Variants in LAMC1 observed in about 807,000 individuals in gnomAD.
The protein encoded by LAMC1 is laminin subunit gamma 1.
Under a neutral mutation model 173.6 loss-of-function variants are expected in LAMC1, and 38 were observed. The observed-to-expected ratio is 0.22, with a 90% CI of 0.17 to 0.29. LAMC1 has a LOEUF of 0.29. Among genes scored for constraint, LAMC1 ranks in the 10% least tolerant of loss-of-function variants. LAMC1 has a pLI of 1.00. For missense variants in LAMC1, 1,824 were observed against 2,051.8 expected (o/e 0.89, Z 2.14); for synonymous variants, 746 against 749.1 (o/e 1.00, Z 0.07).
In LAMC1 at chr1:183,023,730, A is replaced by C; in HGVS notation, c.14A>C (p.His5Pro). 8.4e-7 allele frequency: 1 copy of C among 1,186,782 alleles called. No individual in the cohort carries two copies. Among genetic ancestry groups the C allele is most frequent in the East Asian group, 3.9e-5 (1 of 25,542 alleles). 73.5% of individuals were successfully genotyped at this position (1,186,782 alleles called of 1,614,324 possible). A position where few individuals can be genotyped will look rare whatever the true frequency, so the allele number is the denominator to read the frequency against. MRGS[H>P]RAAPALRPRG... ...GCGGGCGGCGGGATGAGAGGGAGCCATCGGGCCGCGCCGGCCCTGCGGCCC... is the reference window on the plus strand; with the variant it reads ...GCGGGCGGCGGGATGAGAGGGAGCCCTCGGGCCGCGCCGGCCCTGCGGCCC... The change falls in exon 1 of 28, where the codon CAT becomes CCT. Residue 5 changes from histidine to proline, a missense_variant. Coordinates refer to ENST00000258341, the MANE Select transcript of LAMC1 (RefSeq NM_002293.4).
At chr1:183,049,273 A>G (rs1440202848) in intron 1 of LAMC1, among the ~76,000 whole-genome samples, 1 of 152,222 alleles carries the variant, frequency 6.6e-6, no homozygotes, top group East Asian at 1.9e-4. Flanking sequence ...AAATGGAAAG[A>G]CTTTAATACT....
At chr1:183,040,281 C>T (rs1455691028) in intron 1 of LAMC1, among the ~76,000 whole-genome samples, 1 of 152,124 alleles carries the variant, frequency 6.6e-6, no homozygotes, top group Non-Finnish European at 1.5e-5. Flanking sequence ...CCTCAGGTCC[C>T]TTTTATGGTG....
rs1325754711 is a variant in LAMC1 at position 183,125,552 on chromosome 1, T to C, written c.2801+2T>C. ...GCAGAGTGGGCAAGGCTGTGAGAGGTGAGACATAGGTGCCTTTGGTGAAAG... is the reference window on the plus strand; with the variant it reads ...GCAGAGTGGGCAAGGCTGTGAGAGGCGAGACATAGGTGCCTTTGGTGAAAG... On this transcript the variant is annotated splice_donor_variant, in intron 15 of 27. Transcript: ENST00000258341. LOFTEE classifies it high-confidence loss of function. The C allele has an allele frequency of 6.4e-7, 1 of 1,571,774 alleles. No homozygotes were observed.
intron 1 of LAMC1, among the ~76,000 whole-genome samples, chr1:183,055,155 A>G (rs1243111741): frequency 6.6e-6 from 1 of 150,440 alleles, no homozygotes; most frequent in Non-Finnish European, 1.5e-5. Flanking sequence ...CGCCTGGCTA[A>G]TTTTTTGTAT....
rs149354039 is a variant in LAMC1, at chr1:183,103,403, G to A, written c.494G>A (p.Arg165His). ...SRPESFAIYK[R>H]TREDGPWIPY... ...CCGGAGAGCTTTGCCATTTACAAGC[G>A]CACACGGGAAGACGGGCCCTGGATT... The change falls in exon 2 of 28, where the codon CGC (arginine) becomes CAC (histidine). Residue 165 changes from arginine to histidine, a missense_variant. Physicochemically the swap from Arg to His is conservative, Grantham distance 29. Transcript: ENST00000258341. The A allele has an allele frequency of 5.6e-6, 9 of 1,614,096 alleles. No individual in the cohort carries two copies. The highest frequency in any genetic ancestry group is 2.7e-5 in the African/African-American group (2 of 75,012).
In LAMC1 at chr1:183,131,271, G is replaced by T. The variant is rs759314710; in HGVS notation, c.3487-28G>T. 5.1e-6 allele frequency: 8 copies of T among 1,556,460 alleles called. No homozygotes were observed. The Admixed American group carries it at 1.2e-4, about 23-fold the overall frequency. On this transcript the variant is annotated intron_variant, in intron 19 of 27. Coordinates refer to ENST00000258341, the MANE Select transcript of LAMC1 (RefSeq NM_002293.4). ...TTAAATGTAAATAATTCAGTCCTTT[G>T]AGAATAAGTGCTTTATTTCCTGTGC...
chr1:183,115,245 G>T (rs978722995), intron 5 of LAMC1, among the ~76,000 whole-genome samples: 4 of 152,160 alleles, frequency 2.6e-5, no homozygotes, highest in Admixed American at 6.5e-5. Flanking sequence ...GATCTTGTGT[G>T]CAGTGTTTCA....
intron 9 of LAMC1, 22 bp downstream of exon 9, chr1:183,117,464 T>C (rs1656354429): frequency 6.2e-7 from 1 of 1,611,288 alleles, no homozygotes; most frequent in Non-Finnish European, 8.5e-7. Flanking sequence ...TAGAAAGCAG[T>C]CTGACCTGCT....
chr1:183,139,460 C>T (rs1174600661), intron 26 of LAMC1, among the ~76,000 whole-genome samples: 3 of 152,216 alleles, frequency 2.0e-5, no homozygotes, highest in Admixed American at 2.0e-4. Flanking sequence ...AGGGTCCTTT[C>T]TCCCTCCTTT....
At chr1:183,134,467 CTATA>C (rs1338175889) in intron 22 of LAMC1, among the ~76,000 whole-genome samples, 189 bp from the exon 23 acceptor site, 3 of 152,134 alleles carry the variant, frequency 2.0e-5, no homozygotes, top group African/African-American at 4.8e-5. Flanking sequence ...ACTCATCAAA[CTATA>C]TGTGGATTCT....
Position 183,121,824 on chromosome 1 carries a change from G to A in LAMC1, c.2092G>A (p.Gly698Arg). Residue 698 changes from glycine to arginine, a missense_variant, in exon 12 of 28, where the codon GGG becomes AGG. Gly to Arg is a moderately radical substitution (Grantham distance 125). Coordinates refer to ENST00000258341, the MANE Select transcript of LAMC1 (RefSeq NM_002293.4). Reference protein sequence around the residue: ...ESCTCPVGYGGQFCEMCLSGY... With the variant: ...ESCTCPVGYGRQFCEMCLSGY... ...CTGCACCTGTCCTGTGGGATATGGA[G>A]GGCAGTTTTGTGAGATGTGCCTCTC... The A allele has an allele frequency of 6.2e-7, 1 of 1,614,154 alleles. No homozygotes were observed. The highest frequency in any genetic ancestry group is 8.5e-7 in the Non-Finnish European group (1 of 1,180,026).
chr1:183,069,451 G>T (rs192116571), intron 1 of LAMC1, among the ~76,000 whole-genome samples: 1 of 152,302 alleles, frequency 6.6e-6, no homozygotes. Flanking sequence ...AAAGGTAAAA[G>T]TTAAGTCATT....
rs1056785961 is a variant in LAMC1, at chr1:183,092,181, T to C, written c.419-11147T>C. Among the ~76,000 whole-genome samples, 3 of 152,308 alleles carry C rather than the reference T, an allele frequency of 2.0e-5. No individual in the cohort carries two copies. In the South Asian group the frequency reaches 6.2e-4, roughly 32 times the overall value. On this transcript the variant is annotated intron_variant, in intron 1 of 27. Coordinates refer to ENST00000258341, the MANE Select transcript of LAMC1 (RefSeq NM_002293.4). Reference sequence around the variant, plus strand: ...ATTGTCTATGCCTACAGATGACACGTGGAATAAATTGCACATTAAAATGTC... The same window carrying C: ...ATTGTCTATGCCTACAGATGACACGCGGAATAAATTGCACATTAAAATGTC...
chr1:183,119,990 G>T (rs59522712), intron 11 of LAMC1, among the ~76,000 whole-genome samples: 1 of 151,724 alleles, frequency 6.6e-6, no homozygotes, highest in Non-Finnish European at 1.5e-5. Flanking sequence ...GGGCAACATA[G>T]CAAGATTCTG....
In LAMC1 at chr1:183,143,614, A is replaced by G. The variant is rs189193910; in HGVS notation, c.*824A>G. 171 of 152,430 alleles carry G rather than the reference A, an allele frequency of 1.1e-3. No individual in the cohort carries two copies. Among genetic ancestry groups the G allele is most frequent in the African/African-American group, 3.8e-3 (158 of 41,354 alleles). The allele number at this position is 152,430 out of a possible 1,614,324, so 9.4% of individuals were successfully genotyped here. The stretch of plus-strand genomic sequence containing the variant: ...GAACTTACACAGAAGAAATAGGGAT[A>G]TGATAACCACTAAAATTTTGTTTTC... On this transcript the variant is annotated 3_prime_UTR_variant, in exon 28 of 28. Coordinates refer to ENST00000258341, the MANE Select transcript of LAMC1 (RefSeq NM_002293.4).
At chr1:183,034,855 G>T (rs1653937984) in intron 1 of LAMC1, among the ~76,000 whole-genome samples, 1 of 152,196 alleles carries the variant, frequency 6.6e-6, no homozygotes, top group Non-Finnish European at 1.5e-5. Flanking sequence ...TTTGTCAAGT[G>T]CCTCCTGGTT....
At chr1:183,066,402 C>A (rs1445317572) in intron 1 of LAMC1, among the ~76,000 whole-genome samples, 1 of 152,132 alleles carries the variant, frequency 6.6e-6, no homozygotes, top group Non-Finnish European at 1.5e-5. Flanking sequence ...TGTGGTGATT[C>A]CTCAAGGATC....
At chr1:183,083,356 G>C (rs1423193302) in intron 1 of LAMC1, among the ~76,000 whole-genome samples, 1 of 152,152 alleles carries the variant, frequency 6.6e-6, no homozygotes, top group African/African-American at 2.4e-5. Context: ...CCTTCCATCT[G>C]GGTGAATTGT....
intron 1 of LAMC1, among the ~76,000 whole-genome samples, chr1:183,065,217 A>G (rs1654847370): frequency 6.6e-6 from 1 of 152,186 alleles, no homozygotes; most frequent in African/African-American, 2.4e-5. Flanking sequence ...ACACCATCTT[A>G]TATGTGGTTC....
Sources: allele counts gnomAD v4.1 joint callset (sites outside exome capture counted in the v4.1 genomes callset), GRCh38; gene constraint gnomAD v4.1.1; transcripts MANE v1.5; gene names NCBI Gene and HGNC (gene_info 2026-07-23, HGNC 2026-07-21).